Variants in VGF observed in about 807,000 individuals in gnomAD.
VGF encodes the protein neurosecretory protein VGF.
In VGF, 13 loss-of-function variants were observed where a neutral mutation model predicts 41.1. That is an observed-to-expected ratio of 0.32 (90% CI 0.21 to 0.50). VGF has a LOEUF of 0.50. Among genes scored for constraint, VGF ranks in the 20% least tolerant of loss-of-function variants. The pLI, the probability that VGF is intolerant of heterozygous loss-of-function variation, is 0.98. For missense variants in VGF, 920 were observed against 882.1 expected (o/e 1.04, Z -0.54); for synonymous variants, 473 against 418.3 (o/e 1.13, Z -1.60).
upstream of VGF, among the ~76,000 whole-genome samples, chr7:101,169,395 T>C (rs1299310489): frequency 6.6e-6 from 1 of 152,030 alleles, no homozygotes; most frequent in African/African-American, 2.4e-5. Context: ...TCTGTCATCC[T>C]GAACCAGCCT....
At chr7:101,168,009 G>GTT (rs374063215), upstream of VGF, among the ~76,000 whole-genome samples, 181 of 99,916 alleles carry the variant, frequency 1.8e-3, 11 homozygotes, top group Non-Finnish European at 2.2e-3. Flanking sequence ...GTGCTGGGTT[G>GTT]TTTTTTTTTG....
chr7:101,163,817 G>T lies in VGF; in HGVS notation c.1027C>A (p.Gln343Lys). ...LQYLLQGGAR[Q>K]RGLGGRGLQE... ...AGCCCCCGACCCCCGAGGCCGCGCT[G>T]CCGGGCCCCGCCCTGCAGCAAATAC... The change falls in exon 2 of 2, where the codon CAG becomes AAG. Residue 343 changes from glutamine (Q) to lysine (K), a missense_variant. Gln to Lys is a moderately conservative substitution (Grantham distance 53). This residue lies in a region of VGF where 654 missense variants were observed against 638.4 expected (regional missense o/e 1.02). Coordinates refer to ENST00000249330, the MANE Select transcript of VGF (RefSeq NM_003378.4). The surrounding 1 kb of genome is among the most constrained non-coding windows in gnomAD (Gnocchi z 5.0). The T allele has an allele frequency of 6.5e-7, 1 of 1,531,280 alleles. No individual in the cohort carries two copies. Among genetic ancestry groups the T allele is most frequent in the Non-Finnish European group, 8.7e-7 (1 of 1,144,238 alleles). 94.9% of individuals were successfully genotyped at this position (1,531,280 alleles called of 1,614,324 possible).
In VGF at chr7:101,162,955, CGCGCGGCGGGG is replaced by C; in HGVS notation, c.*30_*40del. On this transcript the variant is annotated 3_prime_UTR_variant, in exon 2 of 2. Coordinates refer to ENST00000249330, the MANE Select transcript of VGF (RefSeq NM_003378.4). This position sits in a 1 kb window ranked among gnomAD's most constrained non-coding sequence, Gnocchi z 4.2. ...ACACGGAGGGGGGCGCCGGCGCGCGCGCGCGGCGGGGGCGCGCGGGGGCGGGACCGGGAAGG... is the reference window on the plus strand; with the variant it reads ...ACACGGAGGGGGGCGCCGGCGCGCGCGCGCGCGGGGGCGGGACCGGGAAGG... 9.4e-7 allele frequency: 1 copy of C among 1,069,098 alleles called. No homozygotes were observed. The highest frequency in any genetic ancestry group is 1.2e-6 in the Non-Finnish European group (1 of 822,184). The allele number at this position is 1,069,098 out of a possible 1,614,324, so 66.2% of individuals were successfully genotyped here. A position where few individuals can be genotyped will look rare whatever the true frequency, so the allele number is the denominator to read the frequency against.
At chr7:101,166,393 G>A (rs1219300250), upstream of VGF, among the ~76,000 whole-genome samples, 2 of 152,036 alleles carry the variant, frequency 1.3e-5, no homozygotes, top group African/African-American at 4.8e-5. Flanking sequence ...AAGGCCCCCC[G>A]CTGTGCCCCC....
chr7:101,165,208 G>A (rs1466092571), intron 1 of VGF, 166 bp downstream of exon 1: 3 of 1,011,930 alleles, frequency 3.0e-6, no homozygotes, highest in Non-Finnish European at 2.4e-6. Context: ...GTGCGTGGGC[G>A]ACTTCAGCAG....
Position 101,163,282 on chromosome 7 carries a change from G to A in VGF, c.1562C>T (p.Pro521Leu), listed in dbSNP as rs1206175385. The stretch of plus-strand genomic sequence containing the variant: ...GGGCGGGAGCACCTCGTTCCAGTCC[G>A]GCAGCTCGTCTCGTGCGGGAGCGGG... ...PAPAPARDEL[P>L]DWNEVLPPWD... The change falls in exon 2 of 2, where the codon CCG becomes CTG. Residue 521 changes from proline to leucine, a missense_variant. Pro to Leu is a moderately conservative substitution (Grantham distance 98). Coordinates refer to ENST00000249330, the MANE Select transcript of VGF (RefSeq NM_003378.4). This position sits in a 1 kb window ranked among gnomAD's most constrained non-coding sequence, Gnocchi z 5.0. 3 of 1,497,518 alleles carry A rather than the reference G, an allele frequency of 2.0e-6. No homozygotes were observed. The highest frequency in any genetic ancestry group is 2.7e-6 in the Non-Finnish European group (3 of 1,131,958). The allele number at this position is 1,497,518 out of a possible 1,614,324, so 92.8% of individuals were successfully genotyped here. A position where few individuals can be genotyped will look rare whatever the true frequency, so the allele number is the denominator to read the frequency against.
chr7:101,169,765 G>GA (rs1364056667), upstream of VGF, among the ~76,000 whole-genome samples: 1 of 151,780 alleles, frequency 6.6e-6, no homozygotes, highest in Admixed American at 6.6e-5. Flanking sequence ...AAAAGCAACA[G>GA]AAAAAAAACC....
chr7:101,163,873 A>G lies in VGF; in HGVS notation c.971T>C (p.Leu324Pro). 1 of 1,496,240 alleles carries G rather than the reference A, an allele frequency of 6.7e-7. No homozygotes were observed. The allele number at this position is 1,496,240 out of a possible 1,614,324, so 92.7% of individuals were successfully genotyped here. A position where few individuals can be genotyped will look rare whatever the true frequency, so the allele number is the denominator to read the frequency against. ...TRQAAAQEER[L>P]ADLASDLLLQ... ...CAGCAGGTCCGAGGCGAGGTCGGCC[A>G]GCCGCTCTTCCTGCGCCGCGGCCTG... is the stretch of plus-strand genomic sequence containing the variant. Residue 324 changes from leucine (L) to proline (P), a missense_variant, in exon 2 of 2, where the codon CTG becomes CCG. This residue lies in a region of VGF where 654 missense variants were observed against 638.4 expected (regional missense o/e 1.02). Transcript: ENST00000249330. This position sits in a 1 kb window ranked among gnomAD's most constrained non-coding sequence, Gnocchi z 5.0.
At position 101,165,438 on chromosome 7, in the gene VGF, C is replaced by G. The variant is rs1018018125; in HGVS notation, c.-85G>C. On this transcript the variant is annotated 5_prime_UTR_variant, in exon 1 of 2. Transcript: ENST00000249330. ...GGGCAGGGTGGGGACAGGGGAAGAT[C>G]GGGACGCGTCCGCCTCGGCTCCGAG... is the stretch of plus-strand genomic sequence containing the variant. 1.0e-6 allele frequency: 1 copy of G among 985,362 alleles called. No homozygotes were observed. The highest frequency in any genetic ancestry group is 1.1e-4 in the East Asian group (1 of 8,764). 61.0% of individuals were successfully genotyped at this position (985,362 alleles called of 1,614,324 possible).
At position 101,163,393 on chromosome 7, in the gene VGF, T is replaced by G. The variant is rs1377783858; in HGVS notation, c.1451A>C (p.Lys484Thr). The part of the protein sequence containing the change: ...EEVEEKRKRK[K>T]NAPPEPVPPP... Reference sequence around the variant, plus strand: ...CGGCACGGGCTCGGGAGGGGCGTTCTTCTTCCGCTTCCGCTTCTCCTCCAC... The same window carrying G: ...CGGCACGGGCTCGGGAGGGGCGTTCGTCTTCCGCTTCCGCTTCTCCTCCAC... Residue 484 changes from lysine (K) to threonine (T), a missense_variant, in exon 2 of 2, where the codon AAG becomes ACG. Transcript: ENST00000249330. The surrounding 1 kb of genome is among the most constrained non-coding windows in gnomAD (Gnocchi z 5.0). 1 of 1,599,568 alleles carries G rather than the reference T, an allele frequency of 6.3e-7. No individual in the cohort carries two copies. Among genetic ancestry groups the G allele is most frequent in the East Asian group, 2.2e-5 (1 of 44,716 alleles).
At position 101,163,688 on chromosome 7, in the gene VGF, C is replaced by T; in HGVS notation, c.1156G>A (p.Ala386Thr). 6.5e-7 allele frequency: 1 copy of T among 1,537,074 alleles called. No homozygotes were observed. Among genetic ancestry groups the T allele is most frequent in the Non-Finnish European group, 8.7e-7 (1 of 1,146,944 alleles). Residue 386 changes from alanine to threonine, a missense_variant, in exon 2 of 2, where the codon GCC becomes ACC. Physicochemically the swap from Ala to Thr is moderately conservative, Grantham distance 58 (BLOSUM62 0). Coordinates refer to ENST00000249330, the MANE Select transcript of VGF (RefSeq NM_003378.4). This position sits in a 1 kb window ranked among gnomAD's most constrained non-coding sequence, Gnocchi z 5.0. The stretch of plus-strand genomic sequence containing the variant: ...TCCTCCGCCTCTGCCTCCGCCTCGG[C>T]CGCCTCCTCATCCTCTTCCCCCACC... ...ERVGEEDEEA[A>T]EAEAEAEEAE... is the part of the protein sequence containing the mutation.
chr7:101,163,387 G>A lies in VGF; in HGVS notation c.1457C>T (p.Ala486Val), dbSNP rs1166395047. 8 of 1,595,152 alleles carry A rather than the reference G, an allele frequency of 5.0e-6. No individual in the cohort carries two copies. Among genetic ancestry groups the A allele is most frequent in the Non-Finnish European group, 4.2e-6 (5 of 1,177,610 alleles). Residue 486 changes from alanine (A) to valine (V), a missense_variant, in exon 2 of 2, where the codon GCC becomes GTC. This residue lies in a region of VGF where 257 missense variants were observed against 217.2 expected (regional missense o/e 1.18). Transcript: ENST00000249330. This position sits in a 1 kb window ranked among gnomAD's most constrained non-coding sequence, Gnocchi z 5.0. Reference protein sequence around the residue: ...VEEKRKRKKNAPPEPVPPPRA... With the variant: ...VEEKRKRKKNVPPEPVPPPRA... ...GGGGGGCGGCACGGGCTCGGGAGGGGCGTTCTTCTTCCGCTTCCGCTTCTC... is the reference window on the plus strand; with the variant it reads ...GGGGGGCGGCACGGGCTCGGGAGGGACGTTCTTCTTCCGCTTCCGCTTCTC...
chr7:101,163,425 G>A lies in VGF; in HGVS notation c.1419C>T (p.Ile473=). 5 of 1,610,772 alleles carry A rather than the reference G, an allele frequency of 3.1e-6. No individual in the cohort carries two copies. The highest frequency in any genetic ancestry group is 4.2e-6 in the Non-Finnish European group (5 of 1,179,834). The part of the protein sequence containing the change: ...HLPADDVVSI[I]EEVEEKRKRK... ...GCTTCCGCTTCTCCTCCACCTCCTCGATGATGCTGACCACGTCGTCCGCTG... is the reference window on the plus strand; with the variant it reads ...GCTTCCGCTTCTCCTCCACCTCCTCAATGATGCTGACCACGTCGTCCGCTG... Residue 473 remains isoleucine, a synonymous_variant, in exon 2 of 2, where the codon ATC becomes ATT. Transcript: ENST00000249330. This position sits in a 1 kb window ranked among gnomAD's most constrained non-coding sequence, Gnocchi z 5.0.
At position 101,162,968 on chromosome 7, in the gene VGF, C is replaced by T; in HGVS notation, c.*28G>A. ...CGCCGGCGCGCGCGCGCGGCGGGGG[C>T]GCGCGGGGGCGGGACCGGGAAGGGC... On this transcript the variant is annotated 3_prime_UTR_variant, in exon 2 of 2. Coordinates refer to ENST00000249330, the MANE Select transcript of VGF (RefSeq NM_003378.4). This position sits in a 1 kb window ranked among gnomAD's most constrained non-coding sequence, Gnocchi z 4.2. 1 of 1,195,192 alleles carries T rather than the reference C, an allele frequency of 8.4e-7. No individual in the cohort carries two copies. Among genetic ancestry groups the T allele is most frequent in the Non-Finnish European group, 1.1e-6 (1 of 932,260 alleles). 74.0% of individuals were successfully genotyped at this position (1,195,192 alleles called of 1,614,324 possible).
At position 101,163,119 on chromosome 7, in the gene VGF, G is replaced by A. The variant is rs1797139829; in HGVS notation, c.1725C>T (p.His575=). ...HYHHALPPSR[H]YPGREAQARR... is the part of the protein sequence containing the mutation. ...GCGCCTGGGCCTCCCGGCCGGGATA[G>A]TGGCGCGAAGGCGGCAAGGCGTGGT... The change falls in exon 2 of 2, where the codon CAC becomes CAT. Residue 575 remains histidine, a synonymous_variant. Transcript: ENST00000249330. This position sits in a 1 kb window ranked among gnomAD's most constrained non-coding sequence, Gnocchi z 5.0. The A allele has an allele frequency of 5.0e-6, 8 of 1,584,370 alleles. No homozygotes were observed. Among genetic ancestry groups the A allele is most frequent in the Non-Finnish European group, 6.8e-6 (8 of 1,168,656 alleles).
chr7:101,162,630 T>G lies in VGF; in HGVS notation c.*366A>C, dbSNP rs1797124948. The G allele has an allele frequency of 2.9e-6, 1 of 349,478 alleles. No homozygotes were observed. The highest frequency in any genetic ancestry group is 5.6e-6 in the Non-Finnish European group (1 of 178,598). The allele number at this position is 349,478 out of a possible 1,614,324, so 21.6% of individuals were successfully genotyped here. ...GACTTGGAGAGGCTGGAGGGGCTCG[T>G]GGGAGGCCCGAAGGGCTGGAGACAG... On this transcript the variant is annotated 3_prime_UTR_variant, in exon 2 of 2. Coordinates refer to ENST00000249330, the MANE Select transcript of VGF (RefSeq NM_003378.4). This position sits in a 1 kb window ranked among gnomAD's most constrained non-coding sequence, Gnocchi z 4.2.
Position 101,163,005 on chromosome 7 carries a change from C to G in VGF, c.1839G>C (p.Arg613=), listed in dbSNP as rs771312639. Residue 613 remains arginine, a synonymous_variant, in exon 2 of 2, where the codon CGG becomes CGC. Coordinates refer to ENST00000249330, the MANE Select transcript of VGF (RefSeq NM_003378.4). This position sits in a 1 kb window ranked among gnomAD's most constrained non-coding sequence, Gnocchi z 5.0. ...LENYIEHVLL[R]RP The stretch of plus-strand genomic sequence containing the variant: ...GGACCGGGAAGGGCAGTCACGGGCG[C>G]CGGAGCAGCACGTGCTCGATGTAAT... The G allele has an allele frequency of 6.8e-7, 1 of 1,461,744 alleles. No individual in the cohort carries two copies. The highest frequency in any genetic ancestry group is 9.0e-7 in the Non-Finnish European group (1 of 1,106,676). The allele number at this position is 1,461,744 out of a possible 1,614,324, so 90.5% of individuals were successfully genotyped here.
chr7:101,165,079 A>C, intron 1 of VGF: 1 of 1,246,594 alleles, frequency 8.0e-7, no homozygotes, highest in Non-Finnish European at 1.0e-6. Context: ...GCCCTCGCTT[A>C]CCCAGGGCCT....
chr7:101,163,316 GC>G lies in VGF; in HGVS notation c.1527del (p.Ala512ProfsTer162), dbSNP rs1797147610. ...APTHVRSPQP[P>X]PPAPAPARDE... ...TCTCGTGCGGGAGCGGGGGCGGGGG[GC>G]GGGGGCTGCGGGGAGCGGACGTGGG... On this transcript the variant is annotated frameshift_variant, in exon 2 of 2. Transcript: ENST00000249330. LOFTEE classifies it high-confidence loss of function. The surrounding 1 kb of genome is among the most constrained non-coding windows in gnomAD (Gnocchi z 5.0). The G allele has an allele frequency of 7.0e-7, 1 of 1,427,390 alleles. No homozygotes were observed. Among genetic ancestry groups the G allele is most frequent in the African/African-American group, 1.5e-5 (1 of 66,572 alleles). 88.4% of individuals were successfully genotyped at this position (1,427,390 alleles called of 1,614,324 possible).
Sources: gnomAD v4.1 joint callset for allele counts (sites outside exome capture counted in the v4.1 genomes callset) on GRCh38, gnomAD v4.1.1 for gene constraint, gnomAD v4.1.1 regional missense constraint, Gnocchi (gnomAD v3.1) non-coding constraint, MANE v1.5 for transcripts, NCBI Gene and HGNC (gene_info 2026-07-23, HGNC 2026-07-21) for gene names.